Variants in ADGRE2 observed in about 807,000 individuals in gnomAD.
ADGRE2 encodes the protein CD97 antigen.
ADGRE2 carries 83 observed loss-of-function variants against 100.8 expected under a neutral mutation model. That is an observed-to-expected ratio of 0.82 (90% CI 0.69 to 0.99). ADGRE2 has a LOEUF of 0.99. Among genes scored for constraint, ADGRE2 ranks in the 50% least tolerant of loss-of-function variants. ADGRE2 has a pLI of 0.00. For synonymous variants in ADGRE2, 355 were observed against 413.0 expected (o/e 0.86, Z 1.70); for missense variants, 814 against 1,035.7 (o/e 0.79, Z 2.94).
chr19:14,735,177 A>T lies in ADGRE2; in HGVS notation c.*1059T>A. 1 of 152,116 alleles carries T rather than the reference A, an allele frequency of 6.6e-6. No individual in the cohort carries two copies. The highest frequency in any genetic ancestry group is 1.9e-4 in the East Asian group (1 of 5,200). 9.4% of individuals were successfully genotyped at this position (152,116 alleles called of 1,614,324 possible). ...TGCTTTTCATTAAATGGAAAACCTT[A>T]CTGAGGACTTCCTACCCTTGCTATT... is the stretch of plus-strand genomic sequence containing the variant. On this transcript the variant is annotated 3_prime_UTR_variant, in exon 21 of 21. Coordinates refer to ENST00000315576, the MANE Select transcript of ADGRE2 (RefSeq NM_013447.4).
intron 11 of ADGRE2, among the ~76,000 whole-genome samples, chr19:14,762,802 C>T (rs1197157011): frequency 6.6e-6 from 1 of 151,790 alleles, no homozygotes; most frequent in Non-Finnish European, 1.5e-5. Flanking sequence ...CACCACCACG[C>T]CTGTCTAATT....
At chr19:14,752,570 C>T in intron 14 of ADGRE2, 44 bp from the exon 15 acceptor site, 1 of 1,597,948 alleles carries the variant, frequency 6.3e-7, no homozygotes, top group South Asian at 1.1e-5. Context: ...CTTTCCTGCT[C>T]TGGGGTAATG....
Position 14,776,745 on chromosome 19 carries a change from G to T in ADGRE2, c.12C>A (p.Arg4=), listed in dbSNP as rs764435708. MGG[R]VFLVFLAFCV... ...ACTTACCGAGAAAGACGAGAAAGAC[G>T]CGGCCTCCCATGGTTCCAGCTGAGC... is the stretch of plus-strand genomic sequence containing the variant. Residue 4 remains arginine (R), a synonymous_variant, in exon 2 of 21, where the codon CGC becomes CGA. Coordinates refer to ENST00000315576, the MANE Select transcript of ADGRE2 (RefSeq NM_013447.4). The T allele has an allele frequency of 3.7e-6, 6 of 1,613,610 alleles. No homozygotes were observed. The highest frequency in any genetic ancestry group is 5.1e-6 in the Non-Finnish European group (6 of 1,179,796).
rs754889485 is a variant in ADGRE2 at position 14,772,473 on chromosome 19, G to A, written c.224C>T (p.Ser75Leu). The A allele has an allele frequency of 5.0e-6, 8 of 1,613,842 alleles. No individual in the cohort carries two copies. The highest frequency in any genetic ancestry group is 2.2e-5 in the East Asian group (1 of 44,870). The stretch of plus-strand genomic sequence containing the variant: ...CGAGAATTTTCCGCATGACACTTTC[G>A]ACAGTGTTGCACACTCGTTGATGTC... ...CDDINECATL[S>L]KVSCGKFSDC... Residue 75 changes from serine (S) to leucine (L), a missense_variant, in exon 5 of 21, where the codon TCG becomes TTG. Coordinates refer to ENST00000315576, the MANE Select transcript of ADGRE2 (RefSeq NM_013447.4).
At chr19:14,777,252 C>T (rs1459906457) in intron 1 of ADGRE2, among the ~76,000 whole-genome samples, 4 of 152,214 alleles carry the variant, frequency 2.6e-5, no homozygotes, top group Non-Finnish European at 5.9e-5. Flanking sequence ...TGGTAGGGCT[C>T]ACCCTGTGCC....
rs1050974353 is a variant in ADGRE2, at chr19:14,735,670, A to C, written c.*566T>G. ...TGAGTCAACTCTAGCTGCAAGAGCC[A>C]CTTCATTTTCCCCTAAAAGCTCCAT... On this transcript the variant is annotated 3_prime_UTR_variant, in exon 21 of 21. Transcript: ENST00000315576. 3.9e-5 allele frequency: 6 copies of C among 152,226 alleles called. No homozygotes were observed. The highest frequency in any genetic ancestry group is 1.4e-4 in the African/African-American group (6 of 41,458). 9.4% of individuals were successfully genotyped at this position (152,226 alleles called of 1,614,324 possible). A position where few individuals can be genotyped will look rare whatever the true frequency, so the allele number is the denominator to read the frequency against.
At chr19:14,739,612 C>G (rs1252254162) in intron 20 of ADGRE2, among the ~76,000 whole-genome samples, 1 of 152,010 alleles carries the variant, frequency 6.6e-6, no homozygotes, top group Non-Finnish European at 1.5e-5. Context: ...GTATGAGAGA[C>G]AGAATAATGA....
intron 2 of ADGRE2, among the ~76,000 whole-genome samples, chr19:14,775,648 C>T (rs1385613642): frequency 6.6e-6 from 1 of 151,914 alleles, no homozygotes; most frequent in African/African-American, 2.4e-5. Context: ...CATCTGAGGT[C>T]GGGAGTTCGA....
chr19:14,738,431 T>A (rs1306210223), intron 20 of ADGRE2, among the ~76,000 whole-genome samples: 1 of 152,080 alleles, frequency 6.6e-6, no homozygotes, highest in East Asian at 1.9e-4. Context: ...CAGGCTGGAG[T>A]GCAGTGATGG....
intron 11 of ADGRE2, among the ~76,000 whole-genome samples, chr19:14,762,090 G>C (rs2043747192): frequency 6.6e-6 from 1 of 152,038 alleles, no homozygotes; most frequent in Admixed American, 6.6e-5. Flanking sequence ...CTTCACTTGG[G>C]AATATGTTCT....
intron 20 of ADGRE2, 115 bp downstream of exon 20, chr19:14,743,305 A>C: frequency 3.7e-6 from 3 of 802,338 alleles, no homozygotes; most frequent in Non-Finnish European, 6.6e-6. Flanking sequence ...GCGTACTCAG[A>C]TGCGAGCCTT....
rs137877533 is a variant in ADGRE2 at position 14,746,108 on chromosome 19, G to A, written c.2183+124C>T. Reference sequence around the variant, plus strand: ...ATGGCTGCCATAGAAGGATGGCTGCGTCTGTTTTTTCTGGGTCCCTTCAAA... The same window carrying A: ...ATGGCTGCCATAGAAGGATGGCTGCATCTGTTTTTTCTGGGTCCCTTCAAA... On this transcript the variant is annotated intron_variant, in intron 18 of 20. Coordinates refer to ENST00000315576, the MANE Select transcript of ADGRE2 (RefSeq NM_013447.4). 800 of 643,950 alleles carry A rather than the reference G, an allele frequency of 1.2e-3. 5 individuals carry two copies. Among genetic ancestry groups the A allele is most frequent in the African/African-American group, 0.011 (582 of 53,186 alleles). 39.9% of individuals were successfully genotyped at this position (643,950 alleles called of 1,614,324 possible). A position where few individuals can be genotyped will look rare whatever the true frequency, so the allele number is the denominator to read the frequency against.
At chr19:14,762,841 A>T (rs1316825005) in intron 11 of ADGRE2, among the ~76,000 whole-genome samples, 1 of 151,842 alleles carries the variant, frequency 6.6e-6, no homozygotes, top group African/African-American at 2.4e-5. Context: ...ATGGGGTTTC[A>T]CTATGTTGGC....
At chr19:14,729,983 A>G (rs2042657465), downstream of ADGRE2, among the ~76,000 whole-genome samples, 1 of 152,206 alleles carries the variant, frequency 6.6e-6, no homozygotes, top group African/African-American at 2.4e-5. Flanking sequence ...TGAGAGAAAG[A>G]TTTTGGCTAA....
At chr19:14,730,864 G>A (rs144578286), downstream of ADGRE2, among the ~76,000 whole-genome samples, 6 of 151,748 alleles carry the variant, frequency 4.0e-5, no homozygotes, top group African/African-American at 1.2e-4. Flanking sequence ...TTATGTTCAC[G>A]TGTACCCAAT....
chr19:14,753,946 C>T (rs1053322496), intron 14 of ADGRE2, among the ~76,000 whole-genome samples: 8 of 152,138 alleles, frequency 5.3e-5, no homozygotes, highest in African/African-American at 1.9e-4. Flanking sequence ...AAGTATTGAT[C>T]CTGGGTGTGT....
chr19:14,759,611 C>G (rs1167473507), intron 11 of ADGRE2, among the ~76,000 whole-genome samples: 1 of 150,628 alleles, frequency 6.6e-6, no homozygotes, highest in Non-Finnish European at 1.5e-5. Flanking sequence ...AATCTCCTGC[C>G]TCAGCTTCCC....
At chr19:14,741,263 A>G (rs1420056872) in intron 20 of ADGRE2, among the ~76,000 whole-genome samples, 3 of 149,362 alleles carry the variant, frequency 2.0e-5, no homozygotes, top group Non-Finnish European at 4.5e-5. Context: ...TGCCTGGCTA[A>G]TTTATGTATT....
At chr19:14,766,725 C>T (rs368348796) in intron 6 of ADGRE2, among the ~76,000 whole-genome samples, 50 of 152,324 alleles carry the variant, frequency 3.3e-4, no homozygotes, top group African/African-American at 1.1e-3. Context: ...TTCTTCCACT[C>T]GCACGTGACA....
Sources: gnomAD v4.1 joint callset for allele counts (sites outside exome capture counted in the v4.1 genomes callset) on GRCh38, gnomAD v4.1.1 for gene constraint, MANE v1.5 for transcripts, NCBI Gene and HGNC (gene_info 2026-07-23, HGNC 2026-07-21) for gene names.